TSPAN9: variants seen among roughly 807,000 people sequenced by gnomAD.
TSPAN9 encodes the protein tetraspanin 9, also known as tetraspanin-9.
In TSPAN9, 16 loss-of-function variants were observed where a neutral mutation model predicts 31.0. The ratio of observed to expected loss-of-function variants is 0.52; its 90% confidence interval spans 0.35 to 0.78. The LOEUF is 0.78. TSPAN9 is among the 30% of genes least tolerant of loss of function. The pLI, the probability that TSPAN9 is intolerant of heterozygous loss-of-function variation, is 0.01. For missense variants in TSPAN9, 272 were observed against 312.5 expected, an observed-to-expected ratio of 0.87 and a Z score of 0.98; for synonymous variants, 145 against 121.6, an observed-to-expected ratio of 1.19 and a Z score of -1.27.
rs373418275 is a variant in TSPAN9 at position 3,089,574 on chromosome 12, T to C, written c.-18+5855T>C. Among the ~76,000 whole-genome samples the C allele has an allele frequency of 2.8e-3, 433 of 152,004 alleles. 1 individual carries two copies. Among genetic ancestry groups the C allele is most frequent in the African/African-American group, 8.7e-3 (360 of 41,490 alleles). On this transcript the variant is annotated intron_variant, in intron 2 of 8. Coordinates refer to ENST00000011898, the MANE Select transcript of TSPAN9 (RefSeq NM_006675.5). ...CCTCCCAAAGTGCTGGGATTACAGG[T>C]GTGAGCCACTGCGCCTGGTCTCAAG...
chr12:3,203,678 T>G (rs1009215552), intron 3 of TSPAN9, among the ~76,000 whole-genome samples: 1 of 152,194 alleles, frequency 6.6e-6, no homozygotes, highest in Non-Finnish European at 1.5e-5. Context: ...AGGGAAAAAT[T>G]GAATCTCCAA....
At chr12:3,236,162 C>T (rs759412142) in intron 3 of TSPAN9, among the ~76,000 whole-genome samples, 13 of 150,540 alleles carry the variant, frequency 8.6e-5, no homozygotes, top group Non-Finnish European at 1.5e-4. Context: ...GGTTTGAACC[C>T]CCTGCTCTGC....
chr12:3,228,664 G>A (rs1174267224), intron 3 of TSPAN9, among the ~76,000 whole-genome samples: 4 of 152,240 alleles, frequency 2.6e-5, no homozygotes, highest in Admixed American at 6.5e-5. Context: ...CAGTCTCAGC[G>A]TGAGTTGATG....
chr12:3,210,864 G>C (rs2098378304), intron 3 of TSPAN9, among the ~76,000 whole-genome samples: 1 of 151,306 alleles, frequency 6.6e-6, no homozygotes, highest in Non-Finnish European at 1.5e-5. Context: ...TTCCATACCA[G>C]CCTCCTGAGT....
At chr12:3,098,043 C>T (rs1465417179) in intron 2 of TSPAN9, among the ~76,000 whole-genome samples, 3 of 151,922 alleles carry the variant, frequency 2.0e-5, no homozygotes, top group South Asian at 2.1e-4. Flanking sequence ...CGATGCAGGA[C>T]GTCGGCCAGA....
intron 3 of TSPAN9, among the ~76,000 whole-genome samples, chr12:3,263,601 G>A (rs1484924575): frequency 6.6e-6 from 1 of 152,170 alleles, no homozygotes; most frequent in Non-Finnish European, 1.5e-5. Flanking sequence ...CCTTCACTCG[G>A]GCTCCCACAA....
chr12:3,220,300 C>T (rs1313762906), intron 3 of TSPAN9, among the ~76,000 whole-genome samples: 2 of 152,190 alleles, frequency 1.3e-5, no homozygotes, highest in African/African-American at 4.8e-5. Context: ...ATTCCAAAGA[C>T]TTCCGTGCTC....
At position 3,243,182 on chromosome 12, in the gene TSPAN9, G is replaced by A. The variant is rs1009232054; in HGVS notation, c.64-35239G>A. ...TTGGTTTCCCTTGAGCTTTTCTACCGCCTTCCCTGTACCCGAGTTACTGTC... is the reference window on the plus strand; with the variant it reads ...TTGGTTTCCCTTGAGCTTTTCTACCACCTTCCCTGTACCCGAGTTACTGTC... On this transcript the variant is annotated intron_variant, in intron 3 of 8. Coordinates refer to ENST00000011898, the MANE Select transcript of TSPAN9 (RefSeq NM_006675.5). 7.1e-4 allele frequency among the ~76,000 whole-genome samples: 108 copies of A among 152,244 alleles called. 1 individual carries two copies. The highest frequency in any genetic ancestry group is 2.3e-3 in the African/African-American group (97 of 41,534).
At position 3,081,832 on chromosome 12, in the gene TSPAN9, G is replaced by GTA. The variant is rs1190118465; in HGVS notation, c.-84-1820_-84-1819insAT. ...ATTGTGTGTGTGTGTGTGTGTGTGT[G>GTA]TGTCTGTGTGTGTATATATATGCCA... On this transcript the variant is annotated intron_variant, in intron 1 of 8. Transcript: ENST00000011898. 1.2e-3 allele frequency among the ~76,000 whole-genome samples: 35 copies of GTA among 28,134 alleles called. 1 individual carries two copies. Among genetic ancestry groups the GTA allele is most frequent in the African/African-American group, 2.8e-3 (12 of 4,314 alleles). The allele number at this position is 28,134 out of a possible 152,430, so 18.5% of individuals were successfully genotyped here.
At chr12:3,246,239 C>T (rs141393279) in intron 3 of TSPAN9, among the ~76,000 whole-genome samples, 41 of 151,926 alleles carry the variant, frequency 2.7e-4, no homozygotes, top group Non-Finnish European at 5.0e-4. Context: ...TGAGAACTCA[C>T]GACTGTGAGG....
rs1862986268 is a variant in TSPAN9, at chr12:3,284,984, G to A, written c.*1868G>A. 6.6e-6 allele frequency: 1 copy of A among 152,328 alleles called. No homozygotes were observed. The highest frequency in any genetic ancestry group is 1.5e-5 in the Non-Finnish European group (1 of 68,110). The allele number at this position is 152,328 out of a possible 1,614,324, so 9.4% of individuals were successfully genotyped here. A position where few individuals can be genotyped will look rare whatever the true frequency, so the allele number is the denominator to read the frequency against. On this transcript the variant is annotated 3_prime_UTR_variant, in exon 9 of 9. Coordinates refer to ENST00000011898, the MANE Select transcript of TSPAN9 (RefSeq NM_006675.5). Reference sequence around the variant, plus strand: ...CATTATCAGGATTCGTGTTTTGTGGGGGTGGGAGTGGAGAGTAGGGTGGTC... The same window carrying A: ...CATTATCAGGATTCGTGTTTTGTGGAGGTGGGAGTGGAGAGTAGGGTGGTC...
chr12:3,264,922 G>T (rs896437308), intron 3 of TSPAN9, among the ~76,000 whole-genome samples: 8 of 152,162 alleles, frequency 5.3e-5, no homozygotes, highest in African/African-American at 1.7e-4. Flanking sequence ...GGTCTACCTG[G>T]ACCCAAGGCC....
At chr12:3,251,471 A>G (rs1862243114) in intron 3 of TSPAN9, among the ~76,000 whole-genome samples, 1 of 151,788 alleles carries the variant, frequency 6.6e-6, no homozygotes, top group Non-Finnish European at 1.5e-5. Flanking sequence ...TCTTTTTTCA[A>G]AAGTTGATTT....
intron 3 of TSPAN9, among the ~76,000 whole-genome samples, chr12:3,240,683 T>C (rs1257026681): frequency 6.6e-6 from 1 of 152,182 alleles, no homozygotes. Flanking sequence ...GCTTCAAATC[T>C]ATGATCCTTA....
chr12:3,088,105 T>C (rs1420582364), intron 2 of TSPAN9, among the ~76,000 whole-genome samples: 3 of 152,198 alleles, frequency 2.0e-5, no homozygotes, highest in Non-Finnish European at 4.4e-5. Context: ...ACTGTGTCTT[T>C]CCGGGTGTGT....
chr12:3,169,677 C>T (rs766601819), intron 2 of TSPAN9, among the ~76,000 whole-genome samples: 1 of 152,226 alleles, frequency 6.6e-6, no homozygotes, highest in African/African-American at 2.4e-5. Context: ...GGCCTAGATC[C>T]CTGCCTGGGC....
intron 3 of TSPAN9, among the ~76,000 whole-genome samples, chr12:3,273,930 C>A (rs1360791861): frequency 1.3e-5 from 2 of 152,216 alleles, no homozygotes; most frequent in African/African-American, 4.8e-5. Flanking sequence ...ATATCGCTGT[C>A]ATTGGCTCTC....
At chr12:3,201,083 G>A (rs1228652435) in intron 2 of TSPAN9, 94 bp from the exon 3 acceptor site, 2 of 1,227,768 alleles carry the variant, frequency 1.6e-6, no homozygotes, top group South Asian at 1.3e-5. Context: ...CCAGAGCCGC[G>A]CCGAGGCCGG....
chr12:3,146,333 G>C (rs2098337238), intron 2 of TSPAN9, among the ~76,000 whole-genome samples: 1 of 152,200 alleles, frequency 6.6e-6, no homozygotes, highest in Non-Finnish European at 1.5e-5. Flanking sequence ...TTAGGGTGGG[G>C]AGACTGTGTG....
Sources: allele counts gnomAD v4.1 joint callset (sites outside exome capture counted in the v4.1 genomes callset), GRCh38; gene constraint gnomAD v4.1.1; transcripts MANE v1.5; gene names NCBI Gene and HGNC (gene_info 2026-07-23, HGNC 2026-07-21).